The following ANK3 variants were observed in gnomAD, a reference collection of about 807,000 sequenced individuals.
The protein encoded by ANK3 is ankyrin 3.
Under a neutral mutation model 370.9 loss-of-function variants are expected in ANK3, and 57 were observed. The ratio of observed to expected loss-of-function variants is 0.15; its 90% CI spans 0.12 to 0.19. ANK3 has a LOEUF of 0.19. ANK3 is among the 10% of genes least tolerant of loss of function. The pLI is 1.00. For missense variants in ANK3, 4,439 were observed against 5,302.1 expected (o/e 0.84, Z 5.06); for synonymous variants, 1,929 against 1,946.3 (o/e 0.99, Z 0.23).
intron 2 of ANK3, among the ~76,000 whole-genome samples, chr10:60,464,878 T>TAGATAA: frequency 6.6e-6 from 1 of 152,322 alleles, no homozygotes; most frequent in East Asian, 1.9e-4. Context: ...ATTCATTATC[T>TAGATAA]AGAAATCAAT....
intron 2 of ANK3, among the ~76,000 whole-genome samples, chr10:60,522,602 C>G (rs2076373740): frequency 6.6e-6 from 1 of 152,010 alleles, no homozygotes; most frequent in Non-Finnish European, 1.5e-5. Context: ...TCCTCTGGTC[C>G]AGCATAACTG....
chr10:60,622,011 A>T (rs2078344013), intron 1 of ANK3, among the ~76,000 whole-genome samples: 1 of 152,168 alleles, frequency 6.6e-6, no homozygotes, highest in African/African-American at 2.4e-5. Context: ...CAAACCTGAA[A>T]TATTGCCTGT....
intron 2 of ANK3, among the ~76,000 whole-genome samples, chr10:60,528,971 A>C (rs566480284): frequency 5.3e-5 from 8 of 152,236 alleles, no homozygotes; most frequent in African/African-American, 1.9e-4. Flanking sequence ...CTGAGATACT[A>C]ACCCAATATG....
At chr10:60,363,978 T>C (rs1357052575) in intron 1 of ANK3, among the ~76,000 whole-genome samples, 1 of 146,420 alleles carries the variant, frequency 6.8e-6, no homozygotes, top group African/African-American at 2.5e-5. Context: ...GTGTTTTTTT[T>C]TTTTTTTTTT....
intron 16 of ANK3, among the ~76,000 whole-genome samples, chr10:60,191,921 T>G (rs2096489165): frequency 6.6e-6 from 1 of 151,350 alleles, no homozygotes; most frequent in African/African-American, 2.4e-5. Context: ...TTTTTATTAT[T>G]TTTTTGAGAC....
At position 60,218,835 on chromosome 10, in the gene ANK3, C is replaced by T. The variant is rs115213567; in HGVS notation, c.898-5325G>A. 2.4e-3 allele frequency among the ~76,000 whole-genome samples: 369 copies of T among 152,144 alleles called. 1 individual carries two copies. The highest frequency in any genetic ancestry group is 8.5e-3 in the African/African-American group (354 of 41,506). ...TGAATTTGCATCTTGGCCTATTTTG[C>T]TAGGTCGGGTAAGTTCTCCTGGATA... On this transcript the variant is annotated intron_variant, in intron 8 of 43. Coordinates refer to ENST00000280772, the MANE Select transcript of ANK3 (RefSeq NM_020987.5).
intron 2 of ANK3, among the ~76,000 whole-genome samples, chr10:60,556,089 G>C (rs886802975): frequency 6.6e-6 from 1 of 152,142 alleles, no homozygotes; most frequent in Non-Finnish European, 1.5e-5. Flanking sequence ...TCGCTCAGGG[G>C]CATCCTCTGA....
chr10:60,181,110 T>G (rs1308005403), intron 18 of ANK3, among the ~76,000 whole-genome samples: 1 of 152,192 alleles, frequency 6.6e-6, no homozygotes, highest in Admixed American at 6.5e-5. Context: ...GGGAAATTAC[T>G]GTGCAGCTAG....
chr10:60,068,026 CTTAA>C lies in ANK3; in HGVS notation c.12245-21_12245-18del. On this transcript the variant is annotated intron_variant, in intron 37 of 43. Coordinates refer to ENST00000280772, the MANE Select transcript of ANK3 (RefSeq NM_020987.5). ...TCTGTGGACCTACGATTTACAATTT[CTTAA>C]TTAAAATAATCATCAAGAAAGATAC... 6.3e-7 allele frequency: 1 copy of C among 1,592,200 alleles called. No homozygotes were observed. The highest frequency in any genetic ancestry group is 8.6e-7 in the Non-Finnish European group (1 of 1,163,084).
chr10:60,126,839 T>C (rs1387041801), intron 25 of ANK3, among the ~76,000 whole-genome samples: 5 of 152,254 alleles, frequency 3.3e-5, no homozygotes, highest in Admixed American at 6.5e-5. Context: ...AATGGCACTT[T>C]AAGATGCTAG....
intron 7 of ANK3, among the ~76,000 whole-genome samples, chr10:60,251,119 A>T (rs2132605255): frequency 6.6e-6 from 1 of 152,358 alleles, no homozygotes; most frequent in East Asian, 1.9e-4. Flanking sequence ...ATGAATAATA[A>T]ATGAAATACT....
intron 2 of ANK3, among the ~76,000 whole-genome samples, chr10:60,434,766 A>G (rs2064116269): frequency 6.6e-6 from 1 of 152,242 alleles, no homozygotes; most frequent in African/African-American, 2.4e-5. Flanking sequence ...AGCTCAAATC[A>G]AATGGTTTCA....
chr10:60,357,850 T>C (rs2058008097), intron 1 of ANK3, among the ~76,000 whole-genome samples: 1 of 152,178 alleles, frequency 6.6e-6, no homozygotes, highest in Admixed American at 6.5e-5. Flanking sequence ...CTTCTGAATC[T>C]GTTCCAGGCA....
Position 60,075,133 on chromosome 10 carries a change from G to A in ANK3, c.5748C>T (p.Thr1916=), listed in dbSNP as rs146335871. The A allele has an allele frequency of 7.0e-5, 113 of 1,614,020 alleles. No homozygotes were observed. The highest frequency in any genetic ancestry group is 5.5e-4 in the African/African-American group (41 of 75,006). Reference sequence around the variant, plus strand: ...CAGGCACATCTGTCTGTAGTATTGCGGTCATCCGCATTAGGTCCTCTTTCA... The same window carrying A: ...CAGGCACATCTGTCTGTAGTATTGCAGTCATCCGCATTAGGTCCTCTTTCA... The part of the protein sequence containing the change: ...AEMKEDLMRM[T]AILQTDVPEE... The change falls in exon 37 of 44, where the codon ACC becomes ACT. Residue 1916 remains threonine, a synonymous_variant. Coordinates refer to ENST00000280772, the MANE Select transcript of ANK3 (RefSeq NM_020987.5).
chr10:60,306,428 C>CATATATATAT (rs753175801), intron 1 of ANK3, among the ~76,000 whole-genome samples: 97 of 112,016 alleles, frequency 8.7e-4, no homozygotes, highest in African/African-American at 3.3e-3. Flanking sequence ...GGTGTATGTG[C>CATATATATAT]ATATATATAT....
intron 8 of ANK3, among the ~76,000 whole-genome samples, chr10:60,215,838 T>A (rs1242109554): frequency 6.6e-6 from 1 of 152,200 alleles, no homozygotes; most frequent in Non-Finnish European, 1.5e-5. Context: ...GGGGTCTTCT[T>A]TGATTCCATA....
intron 2 of ANK3, among the ~76,000 whole-genome samples, chr10:60,489,734 G>A (rs2075444562): frequency 6.6e-6 from 1 of 151,986 alleles, no homozygotes; most frequent in South Asian, 2.1e-4. Context: ...AAATATGTAT[G>A]TATCCTGGTT....
rs145998054 is a variant in ANK3, at chr10:60,359,963, G to A, written c.114+29462C>T. Among the ~76,000 whole-genome samples the A allele has an allele frequency of 5.1e-3, 771 of 152,188 alleles. 1 individual carries two copies. The highest frequency in any genetic ancestry group is 0.017 in the African/African-American group (694 of 41,510). ...AGGATTAAGCACAACTCTACTATTC[G>A]TTTCTAAAATTTCTATTTGGCATCA... On this transcript the variant is annotated intron_variant, in intron 1 of 43. Coordinates refer to ENST00000280772, the MANE Select transcript of ANK3 (RefSeq NM_020987.5).
intron 2 of ANK3, among the ~76,000 whole-genome samples, chr10:60,456,801 T>C (rs376901522): frequency 6.6e-6 from 1 of 152,066 alleles, no homozygotes; most frequent in African/African-American, 2.4e-5. Flanking sequence ...GATTGCCACC[T>C]GACTTCCAAA....
Sources: allele counts gnomAD v4.1 joint callset (sites outside exome capture counted in the v4.1 genomes callset), GRCh38; gene constraint gnomAD v4.1.1; transcripts MANE v1.5; gene names NCBI Gene and HGNC (gene_info 2026-07-23, HGNC 2026-07-21).